The following DHX38 variants were observed in gnomAD, a reference collection of about 807,000 sequenced individuals.
DHX38 encodes the protein pre-mRNA-splicing factor ATP-dependent RNA helicase PRP16.
Under a neutral mutation model 153.1 loss-of-function variants are expected in DHX38, and 100 were observed. The observed-to-expected ratio is 0.65, with a 90% CI of 0.56 to 0.77. DHX38 has a LOEUF of 0.77. Among genes scored for constraint, DHX38 ranks in the 30% least tolerant of loss-of-function variants. The probability of loss-of-function intolerance (pLI) is 0.00; values close to 1 mark genes in which losing one functional copy is unlikely to be tolerated. For missense variants in DHX38, 1,440 were observed against 1,654.0 expected, an observed-to-expected ratio of 0.87 and a Z score of 2.24; for synonymous variants, 650 against 631.7, an observed-to-expected ratio of 1.03 and a Z score of -0.43.
intron 11 of DHX38, 66 bp downstream of exon 11, chr16:72,101,678 C>G: frequency 7.4e-7 from 1 of 1,342,506 alleles, no homozygotes; most frequent in South Asian, 1.3e-5. Context: ...TGGGCAGTTG[C>G]GGCAGAACCC....
chr16:72,112,328 T>C, intron 26 of DHX38, 85 bp from the exon 27 acceptor site: 1 of 1,367,726 alleles, frequency 7.3e-7, no homozygotes, highest in Non-Finnish European at 1.0e-6. Flanking sequence ...TTAGGAACAG[T>C]AAGTCCTGGG....
Position 72,099,290 on chromosome 16 carries a change from T to C in DHX38, c.960+10T>C. The C allele has an allele frequency of 6.2e-7, 1 of 1,603,368 alleles. No individual in the cohort carries two copies. Among genetic ancestry groups the C allele is most frequent in the Non-Finnish European group, 8.5e-7 (1 of 1,175,030 alleles). On this transcript the variant is annotated intron_variant, in intron 7 of 26. Coordinates refer to ENST00000268482, the MANE Select transcript of DHX38 (RefSeq NM_014003.4). ...GGAAGATGACCAGAGGGTAAAGTTT[T>C]ATACCTCTGAGGGGCTGATCGGGGC...
rs2042054704 is a variant in DHX38 at position 72,098,721 on chromosome 16, A to C, written c.693A>C (p.Glu231Asp). 6.2e-7 allele frequency: 1 copy of C among 1,613,538 alleles called. No homozygotes were observed. The highest frequency in any genetic ancestry group is 8.5e-7 in the Non-Finnish European group (1 of 1,179,854). ...GYGSSRRSQW[E>D]SPSPTPSYRD... is the part of the protein sequence containing the mutation. ...GCTCCTCAAGGCGCTCACAGTGGGA[A>C]TCGCCCTCCCCGACGCCTTCCTATC... Residue 231 changes from glutamate to aspartate, a missense_variant, in exon 5 of 27, where the codon GAA becomes GAC. Physicochemically the swap from Glu to Asp is conservative, Grantham distance 45 (BLOSUM62 2). Coordinates refer to ENST00000268482, the MANE Select transcript of DHX38 (RefSeq NM_014003.4).
At chr16:72,095,429 C>T (rs183284710) in intron 1 of DHX38, among the ~76,000 whole-genome samples, 2 of 152,280 alleles carry the variant, frequency 1.3e-5, no homozygotes, top group East Asian at 3.9e-4. Flanking sequence ...TAGCCTTCTG[C>T]CCCATCTCTG....
At chr16:72,108,085 T>A in intron 21 of DHX38, 142 bp from the exon 22 acceptor site, 1 of 1,045,042 alleles carries the variant, frequency 9.6e-7, no homozygotes, top group Non-Finnish European at 1.4e-6. Context: ...ATTATTTTAA[T>A]TTTTCTCAAA....
At chr16:72,105,971 T>G in intron 18 of DHX38, 34 bp from the exon 19 acceptor site, 1 of 1,598,312 alleles carries the variant, frequency 6.3e-7, no homozygotes, top group Non-Finnish European at 8.6e-7. Flanking sequence ...CCCCTCACTC[T>G]GTCCTTCGTC....
chr16:72,096,912 G>C lies in DHX38; in HGVS notation c.414G>C (p.Glu138Asp). Reference sequence around the variant, plus strand: ...AACGCAGTCGGCAGAGAGAGCGGGAGCGGCGGGAACATGGTGTCTATGCCT... The same window carrying C: ...AACGCAGTCGGCAGAGAGAGCGGGACCGGCGGGAACATGGTGTCTATGCCT... ...FWERSRQRER[E>D]RREHGVYASS... Residue 138 changes from glutamate to aspartate, a missense_variant, in exon 3 of 27, where the codon GAG (glutamate) becomes GAC (aspartate). By Grantham distance (45) the Glu-to-Asp change is conservative. Coordinates refer to ENST00000268482, the MANE Select transcript of DHX38 (RefSeq NM_014003.4). The C allele has an allele frequency of 6.2e-7, 1 of 1,614,064 alleles. No individual in the cohort carries two copies. The highest frequency in any genetic ancestry group is 2.2e-5 in the East Asian group (1 of 44,884).
rs146534594 is a variant in DHX38, at chr16:72,099,135, T to C, written c.884-69T>C. The C allele has an allele frequency of 5.2e-4, 831 of 1,593,700 alleles. 4 individuals carry two copies. In the African/African-American group the frequency reaches 0.01, roughly 20 times the overall value. ...CTGCCCTTCTGGAGCTGCATGGCCC[T>C]GCAGATCTGTCTGGGGCCGCTGGGG... On this transcript the variant is annotated intron_variant, in intron 6 of 26. Transcript: ENST00000268482.
In DHX38 at chr16:72,099,973, A is replaced by C. The variant is rs2042078307; in HGVS notation, c.1116+86A>C. On this transcript the variant is annotated intron_variant, in intron 8 of 26. Transcript: ENST00000268482. ...CAGCAGGTTATCCCCAAGTGAGGGCAGCACAGCTTGTCCCCTGATTGCCGA... is the reference window on the plus strand; with the variant it reads ...CAGCAGGTTATCCCCAAGTGAGGGCCGCACAGCTTGTCCCCTGATTGCCGA... 3 of 1,501,694 alleles carry C rather than the reference A, an allele frequency of 2.0e-6. No homozygotes were observed. In the Admixed American group the frequency reaches 6.0e-5, roughly 30 times the overall value. 93.0% of individuals were successfully genotyped at this position (1,501,694 alleles called of 1,614,324 possible).
intron 3 of DHX38, chr16:72,097,413 AT>A (rs2042036406): frequency 2.1e-6 from 1 of 471,084 alleles, no homozygotes; most frequent in African/African-American, 1.9e-5. Context: ...ATTAAAAAAA[AT>A]GATTCACTGT....
In DHX38 at chr16:72,096,372, A is replaced by G. The variant is rs200918848; in HGVS notation, c.215A>G (p.Lys72Arg). ...GAGAAGGACGATGGGGAGGACAAGA[A>G]GAAGTCCAAAGTCTCCTCCTACAAG... The part of the protein sequence containing the change: ...REEKDDGEDK[K>R]KSKVSSYKDW... The change falls in exon 2 of 27, where the codon AAG becomes AGG. Residue 72 changes from lysine to arginine, a missense_variant. This residue lies in a region of DHX38 where 483 missense variants were observed against 465.1 expected (regional missense o/e 1.04). Transcript: ENST00000268482. The G allele has an allele frequency of 3.7e-6, 6 of 1,614,226 alleles. No individual in the cohort carries two copies. Among genetic ancestry groups the G allele is most frequent in the Non-Finnish European group, 5.1e-6 (6 of 1,180,040 alleles).
Position 72,104,293 on chromosome 16 carries a change from C to A in DHX38, c.2010+162C>A. 1 of 1,181,706 alleles carries A rather than the reference C, an allele frequency of 8.5e-7. No individual in the cohort carries two copies. The highest frequency in any genetic ancestry group is 1.2e-6 in the Non-Finnish European group (1 of 859,566). 73.2% of individuals were successfully genotyped at this position (1,181,706 alleles called of 1,614,324 possible). ...GACTCGGGTTGTAGTTCATGCTGTTCTTGCTCTGCTGAGGGTGGCTTGGGG... is the reference window on the plus strand; with the variant it reads ...GACTCGGGTTGTAGTTCATGCTGTTATTGCTCTGCTGAGGGTGGCTTGGGG... On this transcript the variant is annotated intron_variant, in intron 14 of 26. Coordinates refer to ENST00000268482, the MANE Select transcript of DHX38 (RefSeq NM_014003.4). This position sits in a 1 kb window ranked among gnomAD's most constrained non-coding sequence, Gnocchi z 4.5.
At chr16:72,112,145 A>C in intron 26 of DHX38, 3 of 503,648 alleles carry the variant, frequency 6.0e-6, no homozygotes, top group Non-Finnish European at 1.1e-5. Flanking sequence ...GGTGGAGGGA[A>C]GCTGCTTTTG....
intron 25 of DHX38, among the ~76,000 whole-genome samples, chr16:72,110,324 C>T (rs965060787): frequency 7.2e-5 from 11 of 152,228 alleles, no homozygotes; most frequent in African/African-American, 2.4e-4. Context: ...GGCTGAGCTG[C>T]GTGTGGCAGA....
At chr16:72,097,593 G>T in intron 3 of DHX38, 84 bp from the exon 4 acceptor site, 1 of 1,328,842 alleles carries the variant, frequency 7.5e-7, no homozygotes, top group Non-Finnish European at 1.1e-6. Context: ...TGAGTGAGTG[G>T]GCAGCCTGTC....
chr16:72,097,557 C>T, intron 3 of DHX38, 120 bp from the exon 4 acceptor site: 1 of 887,678 alleles, frequency 1.1e-6, no homozygotes, highest in South Asian at 1.5e-5. Flanking sequence ...CCACGGATCA[C>T]ATTCGAGCAG....
At chr16:72,099,354 T>C (rs1403351185) in intron 7 of DHX38, 74 bp downstream of exon 7, 2 of 1,346,130 alleles carry the variant, frequency 1.5e-6, no homozygotes, top group East Asian at 5.0e-5. Flanking sequence ...CTAGCAGGAC[T>C]GGGCTTTGAT....
chr16:72,109,533 AG>A, intron 25 of DHX38, 23 bp downstream of exon 25: 1 of 1,598,100 alleles, frequency 6.3e-7, no homozygotes, highest in Non-Finnish European at 8.5e-7. Context: ...TGCTCTTCGC[AG>A]GGGTGCTGTT....
chr16:72,095,298 A>G (rs570543157), intron 1 of DHX38, among the ~76,000 whole-genome samples: 3 of 152,374 alleles, frequency 2.0e-5, no homozygotes, highest in African/African-American at 7.2e-5. Flanking sequence ...GGTGTTTCTC[A>G]TAAATATTTT....
Sources: allele counts gnomAD v4.1 joint callset (sites outside exome capture counted in the v4.1 genomes callset), GRCh38; gene constraint gnomAD v4.1.1; regional missense constraint gnomAD v4.1.1; non-coding constraint Gnocchi (gnomAD v3.1); transcripts MANE v1.5; gene names NCBI Gene and HGNC (gene_info 2026-07-23, HGNC 2026-07-21).